The following FECH variants were observed in gnomAD, a reference collection of about 807,000 sequenced individuals.
FECH encodes the protein ferrochelatase, mitochondrial.
Under a neutral mutation model 56.9 loss-of-function variants are expected in FECH, and 40 were observed. That is an observed-to-expected ratio of 0.70 (90% confidence interval 0.55 to 0.92). FECH has a LOEUF of 0.92. Ranked by LOEUF, FECH falls within the 40% of genes least tolerant of loss-of-function variation. The pLI is 0.00. For missense variants in FECH, 431 were observed against 529.1 expected (o/e 0.81, Z 1.82); for synonymous variants, 175 against 198.6 (o/e 0.88, Z 1.00).
At position 57,550,184 on chromosome 18, in the gene FECH, T is replaced by C. The variant is rs560144284; in HGVS notation, c.*528A>G. ...GTGGCCTCGCTGGCAAAAGCAGCCA[T>C]TGCAGGTAACCAAATTGCCTCCCTA... On this transcript the variant is annotated 3_prime_UTR_variant, in exon 11 of 11. Transcript: ENST00000262093. The C allele has an allele frequency of 6.5e-6, 1 of 153,048 alleles. No homozygotes were observed. The highest frequency in any genetic ancestry group is 2.4e-5 in the African/African-American group (1 of 41,582). The allele number at this position is 153,048 out of a possible 1,614,324, so 9.5% of individuals were successfully genotyped here. A position where few individuals can be genotyped will look rare whatever the true frequency, so the allele number is the denominator to read the frequency against.
At chr18:57,571,612 T>A (rs748006454) in intron 3 of FECH, 72 bp from the exon 4 acceptor site, 7 of 1,606,928 alleles carry the variant, frequency 4.4e-6, no homozygotes, top group Middle Eastern at 1.7e-4. Flanking sequence ...TTCTACTCAA[T>A]AAAAAAGAAA....
chr18:57,545,177 A>T lies in FECH; in HGVS notation c.*5535T>A, dbSNP rs892449699. On this transcript the variant is annotated 3_prime_UTR_variant, in exon 11 of 11. Transcript: ENST00000262093. ...TCTGGAAACAAAACTGTCAGAGTGA[A>T]GGCTCACAAGAAATCAGAAACAGGA... Among the ~76,000 whole-genome samples, 2 of 152,222 alleles carry T rather than the reference A, an allele frequency of 1.3e-5. No homozygotes were observed. The highest frequency in any genetic ancestry group is 2.9e-5 in the Non-Finnish European group (2 of 68,042).
At chr18:57,551,467 A>G in intron 9 of FECH, 93 bp from the exon 10 acceptor site, 1 of 906,724 alleles carries the variant, frequency 1.1e-6, no homozygotes, top group Non-Finnish European at 1.8e-6. Context: ...AAATACACAC[A>G]GATACACACA....
chr18:57,577,159 A>G (rs1355815785), intron 2 of FECH, among the ~76,000 whole-genome samples: 1 of 152,228 alleles, frequency 6.6e-6, no homozygotes, highest in Non-Finnish European at 1.5e-5. Flanking sequence ...TAAACCTCTA[A>G]GACATGATTG....
chr18:57,573,113 C>A, intron 3 of FECH, 133 bp downstream of exon 3: 1 of 939,846 alleles, frequency 1.1e-6, no homozygotes, highest in Non-Finnish European at 1.7e-6. Context: ...TGATATCCAA[C>A]AGAAAACAAT....
chr18:57,572,627 G>A (rs748080635), intron 3 of FECH, among the ~76,000 whole-genome samples: 22 of 145,992 alleles, frequency 1.5e-4, no homozygotes, highest in South Asian at 6.7e-4. Context: ...ATGTATGTGC[G>A]CGTGTGTGTG....
In FECH at chr18:57,544,668, G is replaced by A. The variant is rs962577768; in HGVS notation, c.*6044C>T. ...TGCCAATACTTCACTTGGATAAGTT[G>A]AATAATAGTTTTCAAATAATGGAAG... On this transcript the variant is annotated 3_prime_UTR_variant, in exon 11 of 11. Coordinates refer to ENST00000262093, the MANE Select transcript of FECH (RefSeq NM_000140.5). Among the ~76,000 whole-genome samples the A allele has an allele frequency of 5.3e-5, 8 of 152,174 alleles. No individual in the cohort carries two copies. Among genetic ancestry groups the A allele is most frequent in the African/African-American group, 1.7e-4 (7 of 41,446 alleles).
intron 4 of FECH, among the ~76,000 whole-genome samples, chr18:57,568,484 CAACA>C (rs748459705): frequency 2.0e-4 from 31 of 152,150 alleles, no homozygotes; most frequent in Non-Finnish European, 4.0e-4. Flanking sequence ...CCTGAGGAAC[CAACA>C]AACAGTGTTC....
rs1568138441 is a variant in FECH at position 57,545,905 on chromosome 18, G to GA, written c.*4806dup. Among the ~76,000 whole-genome samples the GA allele has an allele frequency of 6.6e-6, 1 of 152,150 alleles. No homozygotes were observed. The highest frequency in any genetic ancestry group is 1.5e-5 in the Non-Finnish European group (1 of 68,040). On this transcript the variant is annotated 3_prime_UTR_variant, in exon 11 of 11. Coordinates refer to ENST00000262093, the MANE Select transcript of FECH (RefSeq NM_000140.5). ...CTGGGGATCTAACATACAGCATGGC[G>GA]AATGTAGTTAATAATACTTCAAGTA... is the stretch of plus-strand genomic sequence containing the variant.
At chr18:57,555,054 C>G in intron 7 of FECH, 102 bp from the exon 8 acceptor site, 1 of 863,168 alleles carries the variant, frequency 1.2e-6, no homozygotes, top group East Asian at 2.5e-5. Context: ...ACAAAGCCCT[C>G]CCTTTCTGTC....
chr18:57,574,078 C>T (rs1164688879), intron 2 of FECH, among the ~76,000 whole-genome samples: 1 of 152,218 alleles, frequency 6.6e-6, no homozygotes, highest in Non-Finnish European at 1.5e-5. Flanking sequence ...AATCTCAGCT[C>T]GCTGCAACCT....
At position 57,554,259 on chromosome 18, in the gene FECH, C is replaced by A. The variant is rs786205245; in HGVS notation, c.1077+1G>T. 1 of 1,614,102 alleles carries A rather than the reference C, an allele frequency of 6.2e-7. No homozygotes were observed. The highest frequency in any genetic ancestry group is 8.5e-7 in the Non-Finnish European group (1 of 1,180,024). ...GGAAAAAGGCAGATGGGTGCATTTA[C>A]CTCCTTGGCTAAAACTTGAGAGTAC... is the stretch of plus-strand genomic sequence containing the variant. On this transcript the variant is annotated splice_donor_variant, in intron 9 of 10. Transcript: ENST00000262093. LOFTEE classifies it high-confidence loss of function.
intron 4 of FECH, among the ~76,000 whole-genome samples, chr18:57,570,722 A>C (rs1481453210): frequency 6.6e-6 from 1 of 152,258 alleles, no homozygotes; most frequent in Non-Finnish European, 1.5e-5. Flanking sequence ...TCTTAGTATT[A>C]TACAAAAACA....
Position 57,580,583 on chromosome 18 carries a change from G to A in FECH, c.68-384C>T, listed in dbSNP as rs143368066. Among the ~76,000 whole-genome samples the A allele has an allele frequency of 2.8e-4, 42 of 152,246 alleles. No homozygotes were observed. In the East Asian group the frequency reaches 6.8e-3, roughly 25 times the overall value. ...AGAAAAGTGAAAAGCCGCCGATTTC[G>A]GGAGTGGCGAGTGGGCCAGTTTCCA... On this transcript the variant is annotated intron_variant, in intron 1 of 10. Coordinates refer to ENST00000262093, the MANE Select transcript of FECH (RefSeq NM_000140.5).
chr18:57,586,241 A>G (rs1228901723), intron 1 of FECH, among the ~76,000 whole-genome samples: 1 of 152,208 alleles, frequency 6.6e-6, no homozygotes, highest in Non-Finnish European at 1.5e-5. Flanking sequence ...AATCTTCTCA[A>G]CAGCCTGGTT....
At chr18:57,572,588 T>TTG (rs1555681064) in intron 3 of FECH, among the ~76,000 whole-genome samples, 2 of 63,114 alleles carry the variant, frequency 3.2e-5, no homozygotes, top group Non-Finnish European at 5.4e-5. Context: ...TGTAACGAAG[T>TTG]GGGGGGGGGG....
chr18:57,566,095 T>A (rs1000745155), intron 5 of FECH, among the ~76,000 whole-genome samples: 1 of 152,246 alleles, frequency 6.6e-6, no homozygotes, highest in Admixed American at 6.5e-5. Flanking sequence ...CAATCTTTGC[T>A]ACATCAGTAA....
chr18:57,574,381 T>C (rs1209676341), intron 2 of FECH, among the ~76,000 whole-genome samples: 2 of 152,112 alleles, frequency 1.3e-5, no homozygotes, highest in African/African-American at 4.8e-5. Flanking sequence ...ACTTCTCCTC[T>C]CCATCCTGCA....
intron 9 of FECH, among the ~76,000 whole-genome samples, chr18:57,553,202 A>G (rs2050822081): frequency 6.8e-6 from 1 of 147,682 alleles, no homozygotes. Context: ...GCATCTTTAA[A>G]CAAAATCCAT....
Sources: gnomAD v4.1 joint callset for allele counts (sites outside exome capture counted in the v4.1 genomes callset) on GRCh38, gnomAD v4.1.1 for gene constraint, MANE v1.5 for transcripts, NCBI Gene and HGNC (gene_info 2026-07-23, HGNC 2026-07-21) for gene names.